Variants in CCDC102B observed in about 807,000 individuals in gnomAD.
CCDC102B encodes coiled-coil domain-containing protein 102B.
CCDC102B carries 75 observed loss-of-function variants against 57.4 expected under a neutral mutation model. That is an observed-to-expected ratio of 1.31 (90% CI 1.08 to 1.58). The LOEUF (loss-of-function observed/expected upper bound fraction) is 1.58, where lower values mean the gene tolerates loss of function less well. CCDC102B is among the 40% of genes most tolerant of loss of function. CCDC102B has a pLI of 0.00. For missense variants in CCDC102B, 636 were observed against 582.6 expected (o/e 1.09, Z -0.94); for synonymous variants, 206 against 201.9 (o/e 1.02, Z -0.17).
At chr18:68,883,237 T>C (rs2039755983) in intron 5 of CCDC102B, among the ~76,000 whole-genome samples, 1 of 151,682 alleles carries the variant, frequency 6.6e-6, no homozygotes, top group Non-Finnish European at 1.5e-5. Context: ...TGAAACCCAG[T>C]GTCTACTAAA....
intron 6 of CCDC102B, among the ~76,000 whole-genome samples, chr18:68,998,945 A>G (rs1206435991): frequency 1.4e-5 from 2 of 145,950 alleles, no homozygotes; most frequent in African/African-American, 2.5e-5. Flanking sequence ...TTGACACTCA[A>G]TGTTAATAAT....
intron 7 of CCDC102B, among the ~76,000 whole-genome samples, chr18:69,053,262 C>T (rs1436430576): frequency 6.6e-6 from 1 of 151,252 alleles, no homozygotes; most frequent in Non-Finnish European, 1.5e-5. Flanking sequence ...GCATGAAATA[C>T]CTTTTTTAAT....
chr18:68,740,707 C>T lies in CCDC102B; in HGVS notation c.-67+24113C>T, dbSNP rs540241720. Among the ~76,000 whole-genome samples the T allele has an allele frequency of 2.0e-5, 3 of 152,310 alleles. No individual in the cohort carries two copies. The East Asian group carries it at 5.8e-4, about 29-fold the overall frequency. On this transcript the variant is annotated intron_variant, in intron 2 of 3. Coordinates refer to the CCDC102B transcript ENST00000578970. ...GCTGCCTCGGACGGGACGGGTACAT[C>T]TGTCTACAACTGCCTCAAGCCTTTT...
chr18:68,754,290 G>GT (rs1350727092), intron 2 of CCDC102B: 1 of 152,104 alleles, frequency 6.6e-6, no homozygotes, highest in Non-Finnish European at 1.5e-5. Context: ...AAATCTGCAT[G>GT]TTCACTGGAA....
intron 1 of CCDC102B, among the ~76,000 whole-genome samples, chr18:68,815,215 TCTTA>T (rs1230448309): frequency 1.3e-5 from 2 of 152,152 alleles, no homozygotes; most frequent in African/African-American, 4.8e-5. Context: ...CAAATCATTC[TCTTA>T]CTTTTTCCTT....
At chr18:68,834,195 T>G (rs1033853894) in intron 1 of CCDC102B, among the ~76,000 whole-genome samples, 1 of 152,040 alleles carries the variant, frequency 6.6e-6, no homozygotes, top group Non-Finnish European at 1.5e-5. Flanking sequence ...GTAGGCAAGA[T>G]CTCAATGTAC....
chr18:68,964,376 T>A (rs1952501020), intron 6 of CCDC102B, among the ~76,000 whole-genome samples: 1 of 150,600 alleles, frequency 6.6e-6, no homozygotes. Flanking sequence ...CTTTCTGAGA[T>A]GAATAATAAC....
chr18:68,852,982 T>C (rs867868020), intron 4 of CCDC102B, among the ~76,000 whole-genome samples: 1 of 152,020 alleles, frequency 6.6e-6, no homozygotes, highest in African/African-American at 2.4e-5. Context: ...CACATGTGTT[T>C]TTGTGCAATT....
chr18:69,040,731 A>T (rs1431655750), intron 7 of CCDC102B, among the ~76,000 whole-genome samples: 1 of 152,024 alleles, frequency 6.6e-6, no homozygotes, highest in Admixed American at 6.6e-5. Context: ...AAGTTGTCTT[A>T]TTTTTACTTA....
At position 68,728,978 on chromosome 18, in the gene CCDC102B, T is replaced by TA. The variant is rs545299950; in HGVS notation, c.-67+12393dup. Among the ~76,000 whole-genome samples, 73 of 151,400 alleles carry TA rather than the reference T, an allele frequency of 4.8e-4. 3 individuals carry two copies. The highest frequency in any genetic ancestry group is 2.1e-4 in the South Asian group (1 of 4,788). On this transcript the variant is annotated intron_variant, in intron 2 of 3. Coordinates refer to the CCDC102B transcript ENST00000578970. Reference sequence around the variant, plus strand: ...TTCATGTATTCTGCGGGAGTAAATTTAAAAAAAAAGTTCATGCAAATTATA... The same window carrying TA: ...TTCATGTATTCTGCGGGAGTAAATTTAAAAAAAAAAGTTCATGCAAATTATA...
chr18:68,810,581 G>C (rs899871619), intron 1 of CCDC102B, among the ~76,000 whole-genome samples: 1 of 151,242 alleles, frequency 6.6e-6, no homozygotes, highest in Non-Finnish European at 1.5e-5. Context: ...TGACTCTTGG[G>C]TAATTGTAAA....
intron 6 of CCDC102B, among the ~76,000 whole-genome samples, chr18:68,982,860 G>A (rs2050627654): frequency 6.6e-6 from 1 of 151,670 alleles, no homozygotes; most frequent in Non-Finnish European, 1.5e-5. Flanking sequence ...AAGTATTATA[G>A]TAATATTTTA....
intron 7 of CCDC102B, among the ~76,000 whole-genome samples, chr18:69,029,934 A>G (rs2052093934): frequency 6.6e-6 from 1 of 152,188 alleles, no homozygotes; most frequent in South Asian, 2.1e-4. Context: ...TGTCTATTTT[A>G]TCAGCACTGA....
chr18:68,779,602 T>C (rs1389236578), intron 2 of CCDC102B, among the ~76,000 whole-genome samples: 1 of 152,100 alleles, frequency 6.6e-6, no homozygotes, highest in Non-Finnish European at 1.5e-5. Context: ...ATGTCATGAG[T>C]TCTTACGGAA....
At chr18:68,723,784 G>A (rs943380246) in intron 2 of CCDC102B, among the ~76,000 whole-genome samples, 1 of 152,208 alleles carries the variant, frequency 6.6e-6, no homozygotes, top group Non-Finnish European at 1.5e-5. Flanking sequence ...TTTTCCAGCT[G>A]CGTGGTACAT....
At chr18:68,736,038 C>A (rs1033129047) in intron 2 of CCDC102B, among the ~76,000 whole-genome samples, 1 of 152,164 alleles carries the variant, frequency 6.6e-6, no homozygotes, top group African/African-American at 2.4e-5. Flanking sequence ...CTTTTGCTAA[C>A]AATTATCATA....
At chr18:68,795,840 C>A (rs896793396), upstream of CCDC102B, among the ~76,000 whole-genome samples, 1 of 152,096 alleles carries the variant, frequency 6.6e-6, no homozygotes, top group Non-Finnish European at 1.5e-5. Context: ...AAAGAAGCCT[C>A]AAAAACAGAT....
chr18:68,824,001 G>GCGGT (rs2036804569), intron 1 of CCDC102B, among the ~76,000 whole-genome samples: 1 of 150,602 alleles, frequency 6.6e-6, no homozygotes, highest in East Asian at 2.0e-4. Flanking sequence ...CATTTTGCCG[G>GCGGT]CTATTTACTC....
intron 7 of CCDC102B, among the ~76,000 whole-genome samples, chr18:69,022,942 T>A (rs1311152669): frequency 6.7e-6 from 1 of 149,446 alleles, no homozygotes; most frequent in African/African-American, 2.5e-5. Context: ...GTAGATTACA[T>A]CGACAATTGC....
Sources: allele counts gnomAD v4.1 joint callset (sites outside exome capture counted in the v4.1 genomes callset), GRCh38; gene constraint gnomAD v4.1.1; transcripts MANE v1.5; gene names NCBI Gene and HGNC (gene_info 2026-07-23, HGNC 2026-07-21).